Variants in AGBL4 observed in about 807,000 individuals in gnomAD.
AGBL4 encodes AGBL carboxypeptidase 4.
In AGBL4, 58 loss-of-function variants were observed where a neutral mutation model predicts 66.4. The ratio of observed to expected loss-of-function variants is 0.87; its 90% CI spans 0.71 to 1.09. The LOEUF is 1.09. AGBL4 is among the 50% of genes least tolerant of loss of function. The pLI, the probability that AGBL4 is intolerant of heterozygous loss-of-function variation, is 0.00. For synonymous variants in AGBL4, 234 were observed against 222.9 expected, an observed-to-expected ratio of 1.05 and a Z score of -0.44; for missense variants, 579 against 631.0, an observed-to-expected ratio of 0.92 and a Z score of 0.88.
chr1:49,812,678 C>T (rs921881411), intron 2 of AGBL4, among the ~76,000 whole-genome samples: 1 of 152,100 alleles, frequency 6.6e-6, no homozygotes, highest in African/African-American at 2.4e-5. Flanking sequence ...TGTGCAAAAC[C>T]CTGTCACAAG....
At chr1:48,733,487 A>C (rs1463561535) in intron 6 of AGBL4, among the ~76,000 whole-genome samples, 1 of 152,232 alleles carries the variant, frequency 6.6e-6, no homozygotes, top group South Asian at 2.1e-4. Flanking sequence ...GCGAACTATC[A>C]TATTTGGAAA....
chr1:49,738,280 T>G (rs1229226887), intron 2 of AGBL4, among the ~76,000 whole-genome samples: 3 of 151,980 alleles, frequency 2.0e-5, no homozygotes, highest in African/African-American at 7.3e-5. Context: ...GGATCGGGGG[T>G]CCTACGCCCA....
intron 8 of AGBL4, among the ~76,000 whole-genome samples, chr1:48,641,588 G>A (rs1486702560): frequency 6.6e-6 from 1 of 152,120 alleles, no homozygotes; most frequent in African/African-American, 2.4e-5. Context: ...AAATTCATCT[G>A]TTTGCTCAAA....
chr1:49,008,443 C>T (rs1266616895), intron 5 of AGBL4, among the ~76,000 whole-genome samples: 2 of 149,638 alleles, frequency 1.3e-5, no homozygotes, highest in African/African-American at 4.9e-5. Flanking sequence ...CTTTAACACC[C>T]CACTGTCAAC....
intron 2 of AGBL4, among the ~76,000 whole-genome samples, chr1:49,823,006 C>T (rs1645409023): frequency 6.6e-6 from 1 of 152,138 alleles, no homozygotes; most frequent in Non-Finnish European, 1.5e-5. Flanking sequence ...TCTCCTCACA[C>T]CAGTTAGATA....
chr1:48,864,101 G>C (rs534876033), intron 6 of AGBL4, among the ~76,000 whole-genome samples: 1 of 152,104 alleles, frequency 6.6e-6, no homozygotes, highest in Non-Finnish European at 1.5e-5. Context: ...TCAATAAAAA[G>C]AGACAACCCA....
At chr1:49,564,133 T>A (rs1644129469) in intron 3 of AGBL4, among the ~76,000 whole-genome samples, 1 of 152,210 alleles carries the variant, frequency 6.6e-6, no homozygotes, top group South Asian at 2.1e-4. Context: ...GTAGTTTGTA[T>A]CTCTGTGGGA....
At chr1:49,705,883 A>G (rs900516016) in intron 2 of AGBL4, among the ~76,000 whole-genome samples, 1 of 152,190 alleles carries the variant, frequency 6.6e-6, no homozygotes, top group Non-Finnish European at 1.5e-5. Context: ...CTTGTATCCC[A>G]GGGATGAAGC....
intron 3 of AGBL4, among the ~76,000 whole-genome samples, chr1:49,694,356 G>T (rs1289324646): frequency 1.3e-5 from 2 of 152,060 alleles, no homozygotes; most frequent in Admixed American, 6.5e-5. Context: ...GTGAGCTAGA[G>T]ATATATATTG....
At position 49,059,891 on chromosome 1, in the gene AGBL4, C is replaced by T. The variant is rs530340746; in HGVS notation, c.378-14091G>A. The stretch of plus-strand genomic sequence containing the variant: ...GGGGTATATTTACCCAATGTCTGTA[C>T]CCCCAGTGTATCTAGGAAGTAACTA... On this transcript the variant is annotated intron_variant, in intron 4 of 13. Coordinates refer to ENST00000371839, the MANE Select transcript of AGBL4 (RefSeq NM_032785.4). 2.0e-5 allele frequency among the ~76,000 whole-genome samples: 3 copies of T among 152,238 alleles called. No individual in the cohort carries two copies. The South Asian group carries it at 6.2e-4, about 32-fold the overall frequency.
intron 5 of AGBL4, among the ~76,000 whole-genome samples, chr1:48,917,221 G>T (rs1377144611): frequency 6.6e-6 from 1 of 151,432 alleles, no homozygotes; most frequent in Non-Finnish European, 1.5e-5. Context: ...ATTTTTTAAA[G>T]GATTAATTTA....
intron 3 of AGBL4, among the ~76,000 whole-genome samples, chr1:49,287,198 A>G (rs1278150702): frequency 2.2e-5 from 3 of 134,944 alleles, no homozygotes; most frequent in South Asian, 5.4e-4. Flanking sequence ...CTTACACCTT[A>G]TACAAAAATC....
intron 3 of AGBL4, among the ~76,000 whole-genome samples, chr1:49,499,284 G>C (rs934359431): frequency 2.6e-5 from 4 of 151,724 alleles, no homozygotes; most frequent in Admixed American, 1.3e-4. Context: ...TTCTTGGTAG[G>C]TTTTATGTGT....
chr1:49,542,881 A>G (rs1159201093), intron 3 of AGBL4, among the ~76,000 whole-genome samples: 1 of 136,924 alleles, frequency 7.3e-6, no homozygotes, highest in Non-Finnish European at 1.5e-5. Context: ...CCTGGGTGAC[A>G]GAGTAAGACT....
chr1:49,149,198 T>C (rs895007247), intron 4 of AGBL4, among the ~76,000 whole-genome samples: 2 of 152,214 alleles, frequency 1.3e-5, no homozygotes, highest in African/African-American at 4.8e-5. Context: ...CTCTTTACAG[T>C]GCTAAGATGT....
At chr1:49,370,162 ATAAT>A in intron 3 of AGBL4, among the ~76,000 whole-genome samples, 1 of 147,766 alleles carries the variant, frequency 6.8e-6, no homozygotes, top group Admixed American at 6.8e-5. Flanking sequence ...TATATTATAT[ATAAT>A]ATATAATTGT....
At chr1:49,467,798 A>G (rs893979108) in intron 3 of AGBL4, among the ~76,000 whole-genome samples, 2 of 151,896 alleles carry the variant, frequency 1.3e-5, no homozygotes, top group Admixed American at 1.3e-4. Context: ...CTAAAATTCA[A>G]GTAGGACCTA....
intron 4 of AGBL4, among the ~76,000 whole-genome samples, chr1:49,167,930 A>G (rs1458705648): frequency 2.6e-5 from 4 of 152,202 alleles, no homozygotes; most frequent in Admixed American, 2.0e-4. Flanking sequence ...TAATAAAAAT[A>G]ACAATACAAC....
chr1:49,196,702 A>G (rs913647916), intron 4 of AGBL4, among the ~76,000 whole-genome samples: 1 of 151,266 alleles, frequency 6.6e-6, no homozygotes, highest in Non-Finnish European at 1.5e-5. Flanking sequence ...AATCATAACT[A>G]TATAGCTTCT....
Sources: allele counts gnomAD v4.1 joint callset (sites outside exome capture counted in the v4.1 genomes callset), GRCh38; gene constraint gnomAD v4.1.1; transcripts MANE v1.5; gene names NCBI Gene and HGNC (gene_info 2026-07-23, HGNC 2026-07-21).